The following RYR3 variants were observed in gnomAD, a reference collection of about 807,000 sequenced individuals.
The protein encoded by RYR3 is ryanodine receptor 3.
Under a neutral mutation model 584.3 loss-of-function variants are expected in RYR3, and 207 were observed. The observed-to-expected ratio is 0.35, with a 90% CI of 0.32 to 0.40. The LOEUF (loss-of-function observed/expected upper bound fraction) is 0.40. RYR3 is among the 10% of genes least tolerant of loss of function. The pLI, the probability that RYR3 is intolerant of heterozygous loss-of-function variation, is 1.00. For missense variants in RYR3, 5,616 were observed against 6,089.2 expected (o/e 0.92, Z 2.59); for synonymous variants, 2,416 against 2,248.5 (o/e 1.07, Z -2.11).
chr15:33,515,256 C>G (rs1395922042), intron 3 of RYR3, among the ~76,000 whole-genome samples: 3 of 152,310 alleles, frequency 2.0e-5, no homozygotes, highest in East Asian at 3.9e-4. Flanking sequence ...TCTAAACCAT[C>G]GAAGCCACAA....
At chr15:33,641,535 C>T (rs755409431) in intron 27 of RYR3, among the ~76,000 whole-genome samples, 1 of 152,228 alleles carries the variant, frequency 6.6e-6, no homozygotes, top group Non-Finnish European at 1.5e-5. Flanking sequence ...GCTAGATCCT[C>T]TTAGCCAGGT....
intron 2 of RYR3, among the ~76,000 whole-genome samples, chr15:33,480,864 G>A (rs1179687252): frequency 1.3e-5 from 2 of 152,146 alleles, no homozygotes; most frequent in Admixed American, 1.3e-4. Flanking sequence ...ATGGTCAAAA[G>A]GGGTGTTCAA....
At chr15:33,489,739 T>C (rs1197936778) in intron 2 of RYR3, among the ~76,000 whole-genome samples, 3 of 152,186 alleles carry the variant, frequency 2.0e-5, no homozygotes, top group Admixed American at 6.5e-5. Context: ...GATTGCTGGG[T>C]CGAATGGTGG....
At chr15:33,656,434 C>T (rs543142929) in intron 32 of RYR3, among the ~76,000 whole-genome samples, 26 of 152,326 alleles carry the variant, frequency 1.7e-4, no homozygotes, top group Middle Eastern at 3.4e-3. Context: ...TGAATGCTCA[C>T]CGAGTATGTG....
intron 3 of RYR3, among the ~76,000 whole-genome samples, chr15:33,509,119 A>G (rs147187581): frequency 9.3e-4 from 142 of 152,354 alleles, no homozygotes; most frequent in Middle Eastern, 6.8e-3. Flanking sequence ...GACAGGTGGC[A>G]ACATCATTAA....
intron 1 of RYR3, among the ~76,000 whole-genome samples, chr15:33,457,528 A>T (rs1304971169): frequency 1.3e-5 from 2 of 152,220 alleles, no homozygotes; most frequent in African/African-American, 2.4e-5. Flanking sequence ...AATCTAAAGA[A>T]ATTGATCTCA....
At chr15:33,656,298 C>G (rs898482220) in intron 32 of RYR3, among the ~76,000 whole-genome samples, 3 of 152,232 alleles carry the variant, frequency 2.0e-5, no homozygotes, top group Non-Finnish European at 4.4e-5. Context: ...AGTGCTAAAT[C>G]TGGGCTGGTT....
chr15:33,832,656 CAAAAAAA>C (rs34289866), intron 86 of RYR3, among the ~76,000 whole-genome samples: 1 of 112,204 alleles, frequency 8.9e-6, no homozygotes, highest in Non-Finnish European at 1.8e-5. Flanking sequence ...GACTCTGTCT[CAAAAAAA>C]AAAAAAAAAC....
intron 1 of RYR3, among the ~76,000 whole-genome samples, chr15:33,424,294 A>G (rs1401453939): frequency 1.3e-5 from 2 of 152,214 alleles, no homozygotes; most frequent in Non-Finnish European, 2.9e-5. Context: ...GCTATTGTGA[A>G]GACAAGACAG....
intron 1 of RYR3, among the ~76,000 whole-genome samples, chr15:33,313,310 C>T (rs1967617510): frequency 6.6e-6 from 1 of 152,120 alleles, no homozygotes; most frequent in Non-Finnish European, 1.5e-5. Flanking sequence ...ATACAATGTT[C>T]AATTACATTC....
At chr15:33,336,344 A>G (rs1041574390) in intron 1 of RYR3, among the ~76,000 whole-genome samples, 6 of 151,514 alleles carry the variant, frequency 4.0e-5, no homozygotes, top group African/African-American at 1.5e-4. Flanking sequence ...AGGCAGGAGA[A>G]TCACTTCAAC....
chr15:33,459,199 T>C (rs1350937758), intron 1 of RYR3, among the ~76,000 whole-genome samples: 1 of 152,234 alleles, frequency 6.6e-6, no homozygotes, highest in South Asian at 2.1e-4. Flanking sequence ...TCACATATGG[T>C]TGAGCCCCAC....
rs116627257 is a variant in RYR3, at chr15:33,489,477, C to G, written c.172-14154C>G. ...TCAAGTATTTGATTTGCTTTTCCTG[C>G]ATTAGTTTACTGAGGATATTAGCCT... is the stretch of plus-strand genomic sequence containing the variant. On this transcript the variant is annotated intron_variant, in intron 2 of 103. Coordinates refer to ENST00000634891, the MANE Select transcript of RYR3 (RefSeq NM_001036.6). Among the ~76,000 whole-genome samples, 929 of 152,292 alleles carry G rather than the reference C, an allele frequency of 6.1e-3. 11 individuals carry two copies. Among genetic ancestry groups the G allele is most frequent in the African/African-American group, 0.022 (896 of 41,552 alleles).
chr15:33,375,370 T>C (rs765016559), intron 1 of RYR3, among the ~76,000 whole-genome samples: 14 of 152,214 alleles, frequency 9.2e-5, no homozygotes, highest in Admixed American at 7.9e-4. Context: ...ATAGCGAGCC[T>C]AGTCGGCTGC....
chr15:33,694,088 G>C (rs940728418), intron 38 of RYR3, among the ~76,000 whole-genome samples: 2 of 152,098 alleles, frequency 1.3e-5, no homozygotes, highest in Admixed American at 6.5e-5. Context: ...GAAAGCCCTA[G>C]TTTTCTGGCA....
intron 30 of RYR3, 105 bp from the exon 31 acceptor site, chr15:33,648,966 AG>A: frequency 7.2e-6 from 8 of 1,104,152 alleles, no homozygotes; most frequent in South Asian, 1.8e-5. Context: ...CAGAAAAAAA[AG>A]GGGGGGCCAA....
At chr15:33,704,276 C>T (rs1162809877) in intron 42 of RYR3, among the ~76,000 whole-genome samples, 27 of 130,798 alleles carry the variant, frequency 2.1e-4, no homozygotes, top group South Asian at 2.8e-4. Flanking sequence ...AGCGAGACTC[C>T]GTCTCAAAAA....
chr15:33,490,198 A>G (rs752542527), intron 2 of RYR3, among the ~76,000 whole-genome samples: 10 of 152,216 alleles, frequency 6.6e-5, no homozygotes, highest in Non-Finnish European at 1.5e-4. Flanking sequence ...ATGTCTTCAA[A>G]TCACTTTTCT....
At chr15:33,527,838 A>G (rs969882231) in intron 3 of RYR3, among the ~76,000 whole-genome samples, 1 of 152,162 alleles carries the variant, frequency 6.6e-6, no homozygotes, top group Non-Finnish European at 1.5e-5. Flanking sequence ...AGCAGGGAGC[A>G]CAGTTGGAAG....
Sources: allele counts gnomAD v4.1 joint callset (sites outside exome capture counted in the v4.1 genomes callset), GRCh38; gene constraint gnomAD v4.1.1; transcripts MANE v1.5; gene names NCBI Gene and HGNC (gene_info 2026-07-23, HGNC 2026-07-21).